SLC24A2: variants seen among roughly 807,000 people sequenced by gnomAD.
SLC24A2 encodes the protein solute carrier family 24 member 2.
A neutral mutation model predicts 62.0 loss-of-function variants in SLC24A2; 36 were observed. The observed-to-expected ratio is 0.58, with a 90% CI of 0.44 to 0.77. SLC24A2 has a LOEUF of 0.77. Among genes scored for constraint, SLC24A2 ranks in the 30% least tolerant of loss-of-function variants. The pLI is 0.00. For synonymous variants in SLC24A2, 358 were observed against 294.0 expected, an observed-to-expected ratio of 1.22 and a Z score of -2.23; for missense variants, 846 against 817.9, an observed-to-expected ratio of 1.03 and a Z score of -0.42.
At chr9:20,292,880 C>G in the SLC24A2 span, among the ~76,000 whole-genome samples, 1 of 152,228 alleles carries the variant, frequency 6.6e-6, no homozygotes, top group South Asian at 2.1e-4. Flanking sequence ...GCATAGGCCA[C>G]CACACCTGGC....
the SLC24A2 span, among the ~76,000 whole-genome samples, chr9:19,991,783 G>A: frequency 6.6e-6 from 1 of 152,180 alleles, no homozygotes; most frequent in African/African-American, 2.4e-5. Flanking sequence ...CGGAAAATAA[G>A]TCAGTGGTTG....
chr9:19,957,186 A>T, the SLC24A2 span, among the ~76,000 whole-genome samples: 1 of 152,172 alleles, frequency 6.6e-6, no homozygotes, highest in Non-Finnish European at 1.5e-5. Flanking sequence ...AGTACAAATG[A>T]CTTCTTCCAT....
Position 19,786,066 on chromosome 9 carries a change from C to T in SLC24A2, c.801G>A (p.Leu267=). ...AGCAAAAATAAGCTGTTAAGAGAAG[C>T]AAGCTTTCCCACCACATGATGACAT... ...LDNVIMWWES[L]LLLTAYFCYV... The change falls in exon 2 of 11, where the codon TTG becomes TTA. Residue 267 remains leucine (L), a synonymous_variant. Transcript: ENST00000341998. This position sits in a 1 kb window ranked among gnomAD's most constrained non-coding sequence, Gnocchi z 5.0. 5 of 1,614,170 alleles carry T rather than the reference C, an allele frequency of 3.1e-6. No homozygotes were observed. The highest frequency in any genetic ancestry group is 4.2e-6 in the Non-Finnish European group (5 of 1,180,026).
chr9:19,624,563 G>C (rs1169281002), intron 2 of SLC24A2, among the ~76,000 whole-genome samples: 2 of 152,142 alleles, frequency 1.3e-5, no homozygotes, highest in Non-Finnish European at 2.9e-5. Flanking sequence ...CCTGTACATA[G>C]ATTCTTCAGA....
chr9:19,957,048 A>T, the SLC24A2 span, among the ~76,000 whole-genome samples: 2 of 152,304 alleles, frequency 1.3e-5, no homozygotes, highest in East Asian at 3.9e-4. Context: ...TTTTGTTGTA[A>T]CAGCCTGAAC....
At chr9:20,010,887 G>C in the SLC24A2 span, among the ~76,000 whole-genome samples, 1 of 151,134 alleles carries the variant, frequency 6.6e-6, no homozygotes, top group African/African-American at 2.4e-5. Context: ...GTGATAGTTT[G>C]CTGAGAATGA....
intron 2 of SLC24A2, among the ~76,000 whole-genome samples, chr9:19,668,257 C>T (rs955202971): frequency 1.3e-5 from 2 of 152,134 alleles, no homozygotes; most frequent in Admixed American, 6.6e-5. Flanking sequence ...TTATCTTTGT[C>T]TTATAGATGA....
intron 5 of SLC24A2, among the ~76,000 whole-genome samples, chr9:19,579,246 T>C (rs1485506280): frequency 3.3e-5 from 5 of 151,976 alleles, no homozygotes; most frequent in Non-Finnish European, 7.4e-5. Context: ...GAAAAAGAAA[T>C]GCAAGGATGG....
chr9:19,640,534 T>C (rs752538), intron 2 of SLC24A2, among the ~76,000 whole-genome samples: 113,521 of 152,192 alleles, frequency 0.75, 42,433 homozygotes, highest in East Asian at 0.87. Context: ...GAGATGAATG[T>C]CTCACTTTGT....
the SLC24A2 span, among the ~76,000 whole-genome samples, chr9:20,068,511 T>C: frequency 6.6e-6 from 1 of 152,104 alleles, no homozygotes; most frequent in Non-Finnish European, 1.5e-5. Flanking sequence ...GCCTCCACAC[T>C]GAAAACCCCG....
intron 2 of SLC24A2, among the ~76,000 whole-genome samples, chr9:19,676,801 T>C (rs974997807): frequency 5.3e-5 from 8 of 152,224 alleles, no homozygotes; most frequent in Non-Finnish European, 1.0e-4. Flanking sequence ...AACTATTTTA[T>C]TATTTAATAG....
chr9:19,521,891 C>A (rs1011286453), intron 9 of SLC24A2, among the ~76,000 whole-genome samples: 1 of 124,566 alleles, frequency 8.0e-6, no homozygotes, highest in South Asian at 2.5e-4. Context: ...TTTTTTTGGT[C>A]TTTTTCTTTG....
the SLC24A2 span, among the ~76,000 whole-genome samples, chr9:19,814,882 A>G: frequency 6.6e-6 from 1 of 152,236 alleles, no homozygotes; most frequent in Non-Finnish European, 1.5e-5. Flanking sequence ...AAAAAATTTT[A>G]TAAGAGTGAT....
At position 19,619,099 on chromosome 9, in the gene SLC24A2, C is replaced by T. The variant is rs1412909398; in HGVS notation, c.1078+485G>A. 3.3e-5 allele frequency among the ~76,000 whole-genome samples: 5 copies of T among 152,282 alleles called. No homozygotes were observed. In the East Asian group the frequency reaches 9.7e-4, roughly 29 times the overall value. On this transcript the variant is annotated intron_variant, in intron 4 of 10. Coordinates refer to ENST00000341998, the MANE Select transcript of SLC24A2 (RefSeq NM_020344.4). ...GCATAGATGCTCACCTCCCACCCTCCAATTGCCAAAGGATCAGTACACTCT... is the reference window on the plus strand; with the variant it reads ...GCATAGATGCTCACCTCCCACCCTCTAATTGCCAAAGGATCAGTACACTCT...
chr9:20,077,180 A>C, the SLC24A2 span, among the ~76,000 whole-genome samples: 1 of 152,010 alleles, frequency 6.6e-6, no homozygotes, highest in Non-Finnish European at 1.5e-5. Context: ...CAGAGGATAC[A>C]AAGTAGCAGA....
chr9:19,839,221 C>A, the SLC24A2 span, among the ~76,000 whole-genome samples: 1 of 152,108 alleles, frequency 6.6e-6, no homozygotes, highest in Non-Finnish European at 1.5e-5. Context: ...GAATGGCGAT[C>A]ATTAAAAAGT....
At chr9:19,801,264 C>T in the SLC24A2 span, among the ~76,000 whole-genome samples, 7 of 152,180 alleles carry the variant, frequency 4.6e-5, no homozygotes, top group Non-Finnish European at 1.5e-5. Context: ...GACTAGTGTT[C>T]AGCTCGATTA....
chr9:20,021,111 ATTAGTAAATGAAAAAT>A, the SLC24A2 span, among the ~76,000 whole-genome samples: 33 of 152,308 alleles, frequency 2.2e-4, no homozygotes, highest in African/African-American at 7.9e-4. Flanking sequence ...AAATATAAAG[ATTAGTAAATGAAAAAT>A]TAACATCTTC....
At chr9:19,731,518 T>TCC (rs1554707795) in intron 2 of SLC24A2, among the ~76,000 whole-genome samples, 11 of 102,568 alleles carry the variant, frequency 1.1e-4, no homozygotes, top group African/African-American at 2.1e-4. Flanking sequence ...TCTCTCTCCG[T>TCC]GTGTGTGTGT....
Sources: gnomAD v4.1 joint callset for allele counts (sites outside exome capture counted in the v4.1 genomes callset) on GRCh38, gnomAD v4.1.1 for gene constraint, Gnocchi (gnomAD v3.1) non-coding constraint, MANE v1.5 for transcripts, NCBI Gene and HGNC (gene_info 2026-07-23, HGNC 2026-07-21) for gene names.